The following TMEM207 variants were observed in gnomAD, a reference collection of about 807,000 sequenced individuals.
TMEM207 encodes the protein SRSR846.
Under a neutral mutation model 17.4 loss-of-function variants are expected in TMEM207, and 15 were observed. The ratio of observed to expected loss-of-function variants is 0.86; its 90% CI spans 0.58 to 1.33. TMEM207 has a LOEUF of 1.33. Among genes scored for constraint, TMEM207 ranks in the 40% most tolerant of loss-of-function variants. The pLI is 0.00. For synonymous variants in TMEM207, 70 were observed against 65.6 expected (o/e 1.07, Z -0.33); for missense variants, 205 against 173.8 (o/e 1.18, Z -1.01).
chr3:190,433,184 T>C lies in TMEM207; in HGVS notation c.305-3453A>G, dbSNP rs909658233. ...AATTGTTTTTCTGCCTCAAGCTCTA[T>C]TTGTCCTTTTCTCACCTCCAAAACT... On this transcript the variant is annotated intron_variant, in intron 4 of 4. Coordinates refer to ENST00000354905, the MANE Select transcript of TMEM207 (RefSeq NM_207316.3). 4.1e-4 allele frequency among the ~76,000 whole-genome samples: 63 copies of C among 152,210 alleles called. 1 individual carries two copies. Among genetic ancestry groups the C allele is most frequent in the Non-Finnish European group, 1.5e-4 (10 of 68,026 alleles).
rs1412921545 is a variant in TMEM207, at chr3:190,449,762, T to C, written c.48A>G (p.Ile16Met). ...LFSVTSAIST[I>M]GILCLPLFQL... ...GGAATAGCGGCAAACACAAGATCCC[T>C]ATCGTTGAGATCGCTGAGGTGACAC... is the stretch of plus-strand genomic sequence containing the variant. The change falls in exon 1 of 5, where the codon ATA becomes ATG. Residue 16 changes from isoleucine (I) to methionine (M), a missense_variant. Coordinates refer to ENST00000354905, the MANE Select transcript of TMEM207 (RefSeq NM_207316.3). 1 of 1,613,768 alleles carries C rather than the reference T, an allele frequency of 6.2e-7. No homozygotes were observed.
At chr3:190,448,041 G>T (rs1720088319) in intron 1 of TMEM207, among the ~76,000 whole-genome samples, 2 of 152,092 alleles carry the variant, frequency 1.3e-5, no homozygotes, top group African/African-American at 4.8e-5. Context: ...GATATATATT[G>T]TGAACCAGAT....
chr3:190,435,240 G>C (rs2108533133), intron 4 of TMEM207, among the ~76,000 whole-genome samples: 1 of 152,220 alleles, frequency 6.6e-6, no homozygotes, highest in Non-Finnish European at 1.5e-5. Flanking sequence ...CGGCAGGGTA[G>C]GTTTCTTCTG....
intron 4 of TMEM207, among the ~76,000 whole-genome samples, chr3:190,435,928 T>C (rs1185112844): frequency 6.6e-6 from 1 of 152,250 alleles, no homozygotes; most frequent in Non-Finnish European, 1.5e-5. Flanking sequence ...TTAGTATTTC[T>C]AATCAGAATA....
chr3:190,448,124 T>G (rs1337117507), intron 1 of TMEM207, among the ~76,000 whole-genome samples: 1 of 152,190 alleles, frequency 6.6e-6, no homozygotes, highest in African/African-American at 2.4e-5. Flanking sequence ...TTTTGCTTGC[T>G]CTAAAGAGCT....
At chr3:190,434,645 T>C (rs1168545628) in intron 4 of TMEM207, among the ~76,000 whole-genome samples, 2 of 152,202 alleles carry the variant, frequency 1.3e-5, no homozygotes, top group African/African-American at 4.8e-5. Context: ...TCAACACAGA[T>C]ACTGAACAAA....
intron 2 of TMEM207, among the ~76,000 whole-genome samples, chr3:190,447,559 A>C (rs573650718): frequency 1.3e-5 from 2 of 152,234 alleles, no homozygotes; most frequent in East Asian, 3.9e-4. Flanking sequence ...AATATCTAGA[A>C]ATCAACTAGG....
chr3:190,448,456 G>C (rs1720097039), intron 1 of TMEM207, among the ~76,000 whole-genome samples: 1 of 152,048 alleles, frequency 6.6e-6, no homozygotes, highest in Non-Finnish European at 1.5e-5. Context: ...CTAAAATAAT[G>C]CTCTTAGTTA....
chr3:190,440,834 C>A (rs375925413), intron 3 of TMEM207, among the ~76,000 whole-genome samples: 22 of 152,032 alleles, frequency 1.4e-4, no homozygotes, highest in African/African-American at 5.1e-4. Context: ...TTTGGGAGGC[C>A]GAGGCGGGCG....
At position 190,444,905 on chromosome 3, in the gene TMEM207, A is replaced by G. The variant is rs79268812; in HGVS notation, c.113+2885T>C. Among the ~76,000 whole-genome samples the G allele has an allele frequency of 3.5e-3, 536 of 152,338 alleles. 7 individuals carry two copies. Among genetic ancestry groups the G allele is most frequent in the African/African-American group, 0.012 (518 of 41,576 alleles). On this transcript the variant is annotated intron_variant, in intron 2 of 4. Coordinates refer to ENST00000354905, the MANE Select transcript of TMEM207 (RefSeq NM_207316.3). ...ATTCCTCAACATAGGCCAAAGTGCA[A>G]TTCAGCTACAGTAATTTGAGGGATG...
intron 4 of TMEM207, among the ~76,000 whole-genome samples, chr3:190,434,194 C>T (rs972015399): frequency 1.3e-5 from 2 of 151,990 alleles, no homozygotes; most frequent in African/African-American, 4.8e-5. Context: ...ATTCTGAAGG[C>T]ATTATTAAAT....
At chr3:190,435,152 A>G (rs1238660249) in intron 4 of TMEM207, among the ~76,000 whole-genome samples, 3 of 152,170 alleles carry the variant, frequency 2.0e-5, no homozygotes, top group African/African-American at 7.2e-5. Context: ...ATAACAAAGT[A>G]CCACAGACTG....
chr3:190,447,432 T>C (rs1364342795), intron 2 of TMEM207, among the ~76,000 whole-genome samples: 1 of 152,162 alleles, frequency 6.6e-6, no homozygotes, highest in Non-Finnish European at 1.5e-5. Context: ...TACAGAAAAC[T>C]GCCTCCCTTG....
intron 4 of TMEM207, among the ~76,000 whole-genome samples, chr3:190,439,961 G>A (rs917085890): frequency 1.3e-5 from 2 of 152,166 alleles, no homozygotes; most frequent in African/African-American, 4.8e-5. Flanking sequence ...GGACTGCCCA[G>A]CCCTGCATAC....
intron 4 of TMEM207, among the ~76,000 whole-genome samples, chr3:190,437,296 G>T (rs1052627931): frequency 6.6e-6 from 1 of 152,154 alleles, no homozygotes; most frequent in African/African-American, 2.4e-5. Context: ...TGAGTGACCA[G>T]CCCATATTTT....
chr3:190,448,858 T>C (rs1720103546), intron 1 of TMEM207, among the ~76,000 whole-genome samples: 1 of 152,166 alleles, frequency 6.6e-6, no homozygotes, highest in Non-Finnish European at 1.5e-5. Context: ...GATGGAGCCA[T>C]GAATTGGCCA....
At chr3:190,432,689 C>T (rs1719717025) in intron 4 of TMEM207, among the ~76,000 whole-genome samples, 1 of 152,092 alleles carries the variant, frequency 6.6e-6, no homozygotes, top group South Asian at 2.1e-4. Context: ...GCCTGTAAGA[C>T]CCTGCTTCTT....
chr3:190,436,506 C>G (rs1488618090), intron 4 of TMEM207, among the ~76,000 whole-genome samples: 1 of 152,204 alleles, frequency 6.6e-6, no homozygotes, highest in African/African-American at 2.4e-5. Context: ...CAGCTGGACT[C>G]AGTTCTCCGC....
intron 2 of TMEM207, among the ~76,000 whole-genome samples, chr3:190,443,046 T>C (rs932220944): frequency 7.2e-5 from 11 of 152,122 alleles, no homozygotes; most frequent in African/African-American, 2.7e-4. Flanking sequence ...AAAAAGAACT[T>C]TAAAATATTG....
Sources: allele counts gnomAD v4.1 joint callset (sites outside exome capture counted in the v4.1 genomes callset), GRCh38; gene constraint gnomAD v4.1.1; transcripts MANE v1.5; gene names NCBI Gene and HGNC (gene_info 2026-07-23, HGNC 2026-07-21).